The following MMP26 variants were observed in gnomAD, a reference collection of about 807,000 sequenced individuals.
The protein encoded by MMP26 is matrix metallopeptidase 26.
Under a neutral mutation model 31.0 loss-of-function variants are expected in MMP26, and 33 were observed. That is an observed-to-expected ratio of 1.06 (90% CI 0.81 to 1.42). MMP26 has a LOEUF of 1.42. MMP26 is among the 40% of genes most tolerant of loss of function. The probability of loss-of-function intolerance (pLI) is 0.00; values close to 1 mark genes in which losing one functional copy is unlikely to be tolerated. For synonymous variants in MMP26, 122 were observed against 114.9 expected, an observed-to-expected ratio of 1.06 and a Z score of -0.40; for missense variants, 347 against 316.1, an observed-to-expected ratio of 1.10 and a Z score of -0.74.
At chr11:4,785,356 A>T (rs544540530) in intron 2 of MMP26, among the ~76,000 whole-genome samples, 1 of 152,344 alleles carries the variant, frequency 6.6e-6, no homozygotes, top group African/African-American at 2.4e-5. Context: ...CCTAATTCAT[A>T]TCTAGGTATA....
intron 1 of MMP26, among the ~76,000 whole-genome samples, chr11:4,715,767 C>T (rs1847921935): frequency 6.6e-6 from 1 of 152,118 alleles, no homozygotes; most frequent in African/African-American, 2.4e-5. Flanking sequence ...GATTTCTGCC[C>T]ATCCTGGTGT....
intron 2 of MMP26, among the ~76,000 whole-genome samples, chr11:4,960,784 T>C (rs984168352): frequency 3.3e-5 from 5 of 152,172 alleles, no homozygotes; most frequent in African/African-American, 1.2e-4. Flanking sequence ...TTGAGAAATA[T>C]AAAAAGCATA....
intron 1 of MMP26, among the ~76,000 whole-genome samples, chr11:4,721,116 C>A (rs1162396900): frequency 6.6e-6 from 1 of 152,172 alleles, no homozygotes; most frequent in Admixed American, 6.5e-5. Flanking sequence ...TATTCTGATT[C>A]ATGAGTTGCA....
chr11:4,880,518 C>G (rs1393079027), intron 2 of MMP26, among the ~76,000 whole-genome samples: 1 of 152,036 alleles, frequency 6.6e-6, no homozygotes, highest in African/African-American at 2.4e-5. Flanking sequence ...GACGATAGGA[C>G]TCAAAACTCC....
chr11:4,710,658 C>T (rs572425671), intron 1 of MMP26: 3 of 351,290 alleles, frequency 8.5e-6, no homozygotes, highest in Non-Finnish European at 1.7e-5. Context: ...TTACCATTTA[C>T]ACAGTTCTAA....
intron 2 of MMP26, chr11:4,907,746 T>C (rs759179635): frequency 1.2e-6 from 2 of 1,614,092 alleles, no homozygotes; most frequent in African/African-American, 1.3e-5. Flanking sequence ...TTTCTTGCCA[T>C]TCACAATCCC....
At chr11:4,733,754 C>G (rs1268681428) in intron 1 of MMP26, among the ~76,000 whole-genome samples, 2 of 152,056 alleles carry the variant, frequency 1.3e-5, no homozygotes, top group Non-Finnish European at 2.9e-5. Flanking sequence ...TTGTCTTTTT[C>G]ATTATATTAG....
chr11:4,780,268 G>T (rs1201594388), intron 2 of MMP26, among the ~76,000 whole-genome samples: 2 of 152,070 alleles, frequency 1.3e-5, no homozygotes, highest in African/African-American at 2.4e-5. Context: ...GACCAAAAAG[G>T]TTTTTGTAAG....
intron 2 of MMP26, among the ~76,000 whole-genome samples, chr11:4,798,929 G>A (rs900029441): frequency 6.6e-6 from 1 of 152,194 alleles, no homozygotes; most frequent in Non-Finnish European, 1.5e-5. Context: ...TGACATCACA[G>A]TTTGGTTCTA....
At chr11:4,749,938 A>AT (rs1438691796) in intron 1 of MMP26, among the ~76,000 whole-genome samples, 1 of 152,178 alleles carries the variant, frequency 6.6e-6, no homozygotes, top group Non-Finnish European at 1.5e-5. Flanking sequence ...AGGGGACTTA[A>AT]TTAAACTATG....
At chr11:4,803,950 A>G in intron 2 of MMP26, 1 of 1,613,570 alleles carries the variant, frequency 6.2e-7, no homozygotes. Context: ...CAGTTTGATC[A>G]CGACCGATGG....
chr11:4,949,630 T>G (rs1266784971), intron 2 of MMP26, among the ~76,000 whole-genome samples: 2 of 121,664 alleles, frequency 1.6e-5, no homozygotes, highest in South Asian at 2.4e-4. Flanking sequence ...TCAAAAAATG[T>G]AACTTCTATT....
At chr11:4,882,690 A>C (rs1589928643) in intron 2 of MMP26, 1 of 1,613,892 alleles carries the variant, frequency 6.2e-7, no homozygotes, top group Non-Finnish European at 8.5e-7. Flanking sequence ...TCTTTGGCAC[A>C]CCGCCTCTTC....
At chr11:4,907,491 G>A in intron 2 of MMP26, 2 of 1,613,952 alleles carry the variant, frequency 1.2e-6, no homozygotes. Flanking sequence ...GCCATCATGG[G>A]CAACTGCACC....
intron 1 of MMP26, among the ~76,000 whole-genome samples, chr11:4,744,812 G>A (rs897298798): frequency 5.9e-5 from 9 of 152,178 alleles, no homozygotes; most frequent in African/African-American, 2.2e-4. Context: ...TGTAGAGTGT[G>A]ATGTTTTGAT....
At chr11:4,739,139 A>G (rs11033635) in intron 1 of MMP26, among the ~76,000 whole-genome samples, 26,440 of 152,170 alleles carry the variant, frequency 0.17, 2,770 homozygotes, top group African/African-American at 0.3. Context: ...AACTAGATAC[A>G]CAGAGGCCTG....
intron 1 of MMP26, among the ~76,000 whole-genome samples, chr11:4,730,457 A>T (rs894929922): frequency 6.8e-6 from 1 of 147,320 alleles, no homozygotes; most frequent in Non-Finnish European, 1.5e-5. Context: ...GTGATAGGTG[A>T]CTACTGCATA....
intron 1 of MMP26, chr11:4,752,373 G>A (rs1384439703): frequency 6.6e-6 from 1 of 152,394 alleles, no homozygotes; most frequent in Non-Finnish European, 1.5e-5. Context: ...AGAGATGATT[G>A]CACTTAATCG....
intron 2 of MMP26, among the ~76,000 whole-genome samples, chr11:4,852,022 G>T (rs1462187260): frequency 6.6e-6 from 1 of 152,008 alleles, no homozygotes; most frequent in Non-Finnish European, 1.5e-5. Flanking sequence ...AGAAAAGCAA[G>T]TTATAACTAT....
Sources: gnomAD v4.1 joint callset for allele counts (sites outside exome capture counted in the v4.1 genomes callset) on GRCh38, gnomAD v4.1.1 for gene constraint, MANE v1.5 for transcripts, NCBI Gene and HGNC (gene_info 2026-07-23, HGNC 2026-07-21) for gene names.